CDH23: variants seen among roughly 807,000 people sequenced by gnomAD.
CDH23 encodes the protein cadherin related 23, also known as cadherin-23.
In CDH23, 189 loss-of-function variants were observed where a neutral mutation model predicts 317.1. That is an observed-to-expected ratio of 0.60 (90% CI 0.53 to 0.67). The LOEUF is 0.67. Among genes scored for constraint, CDH23 ranks in the 30% least tolerant of loss-of-function variants. The pLI, the probability that CDH23 is intolerant of heterozygous loss-of-function variation, is 0.00. For synonymous variants in CDH23, 1,839 were observed against 1,876.8 expected, an observed-to-expected ratio of 0.98 and a Z score of 0.52; for missense variants, 4,401 against 4,592.4, an observed-to-expected ratio of 0.96 and a Z score of 1.20.
At chr10:71,401,423 C>T (rs1375601774) in intron 1 of CDH23, among the ~76,000 whole-genome samples, 2 of 152,196 alleles carry the variant, frequency 1.3e-5, no homozygotes, top group Non-Finnish European at 2.9e-5. Flanking sequence ...TTCATTGACC[C>T]AATGGCTTAT....
intron 3 of CDH23, among the ~76,000 whole-genome samples, chr10:71,484,415 A>C (rs1852233971): frequency 1.3e-5 from 2 of 152,150 alleles, no homozygotes; most frequent in Admixed American, 6.5e-5. Flanking sequence ...CCTCCAACCC[A>C]GAGAGGGGCC....
intron 6 of CDH23, among the ~76,000 whole-genome samples, chr10:71,559,517 G>A (rs1024492125): frequency 6.6e-6 from 1 of 152,194 alleles, no homozygotes; most frequent in Non-Finnish European, 1.5e-5. Flanking sequence ...AGCAGGTCAG[G>A]AGGGCCATTC....
At chr10:71,716,953 G>C (rs1426261110) in intron 28 of CDH23, 2 of 152,222 alleles carry the variant, frequency 1.3e-5, no homozygotes, top group Non-Finnish European at 2.9e-5. Flanking sequence ...CCTCATCCCT[G>C]TGTCTGGGGC....
chr10:71,440,876 C>T (rs1849843089), intron 2 of CDH23, among the ~76,000 whole-genome samples: 1 of 152,182 alleles, frequency 6.6e-6, no homozygotes, highest in African/African-American at 2.4e-5. Flanking sequence ...GGGGCCAGCT[C>T]CTTCTCCCCT....
intron 6 of CDH23, among the ~76,000 whole-genome samples, chr10:71,523,542 C>T (rs1168384186): frequency 6.6e-6 from 1 of 152,180 alleles, no homozygotes; most frequent in Non-Finnish European, 1.5e-5. Context: ...CTGGCGATTA[C>T]AGACATTTCC....
At chr10:71,755,325 C>T (rs180679476) in intron 38 of CDH23, 69 of 1,575,198 alleles carry the variant, frequency 4.4e-5, no homozygotes, top group African/African-American at 3.6e-4. Context: ...TCACTCGCAC[C>T]GTCCACCCAC....
intron 6 of CDH23, among the ~76,000 whole-genome samples, chr10:71,535,310 C>T (rs547688764): frequency 5.5e-4 from 83 of 152,220 alleles, no homozygotes; most frequent in Admixed American, 5.0e-3. Flanking sequence ...CATGTTCTAC[C>T]GGGAGGAGGG....
chr10:71,760,693 C>T (rs750275185), intron 38 of CDH23: 6 of 639,770 alleles, frequency 9.4e-6, no homozygotes, highest in Non-Finnish European at 1.7e-5. Context: ...GAGTGGGCTT[C>T]TGGGGATTGC....
At chr10:71,506,448 A>G (rs1433420622) in intron 3 of CDH23, among the ~76,000 whole-genome samples, 1 of 152,230 alleles carries the variant, frequency 6.6e-6, no homozygotes, top group East Asian at 1.9e-4. Context: ...CAGCCCTGAG[A>G]TGCAAGGTAT....
intron 11 of CDH23, among the ~76,000 whole-genome samples, chr10:71,642,660 G>A (rs1396835166): frequency 3.3e-5 from 5 of 151,572 alleles, no homozygotes; most frequent in African/African-American, 9.7e-5. Context: ...TCCGCTTCCC[G>A]ACGTGCTGGG....
At chr10:71,450,216 A>G (rs1187118874) in intron 3 of CDH23, among the ~76,000 whole-genome samples, 1 of 150,904 alleles carries the variant, frequency 6.6e-6, no homozygotes, top group African/African-American at 2.4e-5. Flanking sequence ...AGCATGAGGG[A>G]CAGGTGCTGC....
chr10:71,793,490 G>A lies in CDH23; in HGVS notation c.6562G>A (p.Glu2188Lys), dbSNP rs1444432865. 27 of 1,613,862 alleles carry A rather than the reference G, an allele frequency of 1.7e-5. No individual in the cohort carries two copies. Among genetic ancestry groups the A allele is most frequent in the Non-Finnish European group, 2.3e-5 (27 of 1,179,896 alleles). ...GACAGTGAGCGTGCTGGAGTCGGCT[G>A]AGCCAGGCACTGTCATTGCCAATAT... ...IQTVSVLESA[E>K]PGTVIANITA... Residue 2188 changes from glutamate to lysine, a missense_variant, in exon 48 of 70, where the codon GAG becomes AAG. By Grantham distance (56) the Glu-to-Lys change is moderately conservative (BLOSUM62 1). Around this residue, in one of 3 missense-constraint regions of CDH23, gnomAD observed 3,068 missense variants for 3,203.3 expected, o/e 0.96. Transcript: ENST00000224721.
chr10:71,417,340 G>T (rs1239144523), intron 1 of CDH23, among the ~76,000 whole-genome samples: 1 of 152,082 alleles, frequency 6.6e-6, no homozygotes, highest in Non-Finnish European at 1.5e-5. Context: ...GCCTCCCAAA[G>T]TGCTGGGATT....
At chr10:71,646,303 C>T (rs1862854258) in intron 13 of CDH23, among the ~76,000 whole-genome samples, 156 bp from the exon 14 acceptor site, 1 of 152,234 alleles carries the variant, frequency 6.6e-6, no homozygotes, top group South Asian at 2.1e-4. Context: ...AGAGCAATAA[C>T]AGACGGGCTC....
chr10:71,689,063 CAGGGGTG>C (rs1865064090), intron 19 of CDH23, among the ~76,000 whole-genome samples: 1 of 134,586 alleles, frequency 7.4e-6, no homozygotes, highest in African/African-American at 2.7e-5. Flanking sequence ...ATGGTGGAGC[CAGGGGTG>C]GTGGAGCCAG....
chr10:71,799,147 A>G lies in CDH23; in HGVS notation c.7091A>G (p.Glu2364Gly), dbSNP rs758727384. 6 of 1,613,994 alleles carry G rather than the reference A, an allele frequency of 3.7e-6. No homozygotes were observed. Among genetic ancestry groups the G allele is most frequent in the Non-Finnish European group, 5.1e-6 (6 of 1,179,872 alleles). The change falls in exon 51 of 70, where the codon GAG (glutamate) becomes GGG (glycine). Residue 2364 changes from glutamate (E) to glycine (G), a missense_variant. Glu to Gly is a moderately conservative substitution (Grantham distance 98). Coordinates refer to ENST00000224721, the MANE Select transcript of CDH23 (RefSeq NM_022124.6). ...VIANRTVDYEEVHWLNFTVRA... is the reference protein window; with the variant it reads ...VIANRTVDYEGVHWLNFTVRA... ...GCCAACCGGACAGTGGACTACGAGG[A>G]GGTGCACTGGCTCAACTTTACCGTG...
In CDH23 at chr10:71,792,264, T is replaced by C. The variant is rs1841271391; in HGVS notation, c.6254-918T>C. Among the ~76,000 whole-genome samples, 4 of 152,150 alleles carry C rather than the reference T, an allele frequency of 2.6e-5. No homozygotes were observed. In the South Asian group the frequency reaches 8.3e-4, roughly 31 times the overall value. On this transcript the variant is annotated intron_variant, in intron 47 of 69. Coordinates refer to ENST00000224721, the MANE Select transcript of CDH23 (RefSeq NM_022124.6). Reference sequence around the variant, plus strand: ...TTATTATAATCTGTATGTAATCTAATATAATAATAATGTAATATTTAGTGT... The same window carrying C: ...TTATTATAATCTGTATGTAATCTAACATAATAATAATGTAATATTTAGTGT...
intron 17 of CDH23, among the ~76,000 whole-genome samples, chr10:71,681,154 T>C (rs1864630080): frequency 6.6e-6 from 1 of 152,030 alleles, no homozygotes; most frequent in South Asian, 2.1e-4. Context: ...ACTTAAAAGT[T>C]CCATGCTTCT....
At chr10:71,752,091 C>G (rs1226979212) in intron 38 of CDH23, 1 of 683,014 alleles carries the variant, frequency 1.5e-6, no homozygotes, top group Non-Finnish European at 2.7e-6. Flanking sequence ...AGAACAGACC[C>G]CAGCTCCTCC....
Sources: allele counts gnomAD v4.1 joint callset (sites outside exome capture counted in the v4.1 genomes callset), GRCh38; gene constraint gnomAD v4.1.1; regional missense constraint gnomAD v4.1.1; transcripts MANE v1.5; gene names NCBI Gene and HGNC (gene_info 2026-07-23, HGNC 2026-07-21).